NELL1: variants seen among roughly 807,000 people sequenced by gnomAD.
NELL1 encodes the protein protein kinase C-binding protein NELL1.
NELL1 carries 76 observed loss-of-function variants against 107.4 expected under a neutral mutation model. The ratio of observed to expected loss-of-function variants is 0.71; its 90% confidence interval spans 0.59 to 0.86. NELL1 has a LOEUF of 0.86. NELL1 is among the 40% of genes least tolerant of loss of function. NELL1 has a pLI of 0.00. For synonymous variants in NELL1, 353 were observed against 341.2 expected, an observed-to-expected ratio of 1.03 and a Z score of -0.38; for missense variants, 1,024 against 1,005.5, an observed-to-expected ratio of 1.02 and a Z score of -0.25.
Position 21,344,849 on chromosome 11 carries a change from T to C in NELL1, c.1550-26004T>C, listed in dbSNP as rs368205418. 1.8e-3 allele frequency among the ~76,000 whole-genome samples: 264 copies of C among 146,936 alleles called. 7 individuals are homozygous for C. The South Asian group carries it at 0.058, about 32-fold the overall frequency. On this transcript the variant is annotated intron_variant, in intron 14 of 19. Transcript: ENST00000357134. Reference sequence around the variant, plus strand: ...CTCTGCAATGATAGTTGTTGTTTTATGAGCACCTTAATTATTCTGCTTCTC... The same window carrying C: ...CTCTGCAATGATAGTTGTTGTTTTACGAGCACCTTAATTATTCTGCTTCTC...
intron 12 of NELL1, among the ~76,000 whole-genome samples, chr11:21,068,728 A>G (rs1202546484): frequency 6.6e-6 from 1 of 152,200 alleles, no homozygotes; most frequent in Non-Finnish European, 1.5e-5. Context: ...CAGGATCCCA[A>G]GTGCCTCCAA....
chr11:20,705,461 T>C (rs1190675156), intron 2 of NELL1, among the ~76,000 whole-genome samples: 1 of 151,576 alleles, frequency 6.6e-6, no homozygotes, highest in Non-Finnish European at 1.5e-5. Context: ...TGGCTAGCCA[T>C]ATGTAGAAAG....
At chr11:21,203,663 A>G (rs932213583) in intron 13 of NELL1, among the ~76,000 whole-genome samples, 8 of 152,158 alleles carry the variant, frequency 5.3e-5, no homozygotes, top group South Asian at 4.1e-4. Flanking sequence ...TTATGATGCT[A>G]GATGGGTATT....
chr11:21,531,083 G>A (rs529611046), intron 15 of NELL1, among the ~76,000 whole-genome samples: 7 of 152,158 alleles, frequency 4.6e-5, no homozygotes, highest in Non-Finnish European at 7.4e-5. Flanking sequence ...AAATAGATGT[G>A]TGTACAGATA....
At chr11:21,414,150 G>A (rs1852444241) in intron 15 of NELL1, among the ~76,000 whole-genome samples, 1 of 152,006 alleles carries the variant, frequency 6.6e-6, no homozygotes, top group Non-Finnish European at 1.5e-5. Context: ...ACAGGTGAAA[G>A]ATGTAGTAGA....
intron 13 of NELL1, among the ~76,000 whole-genome samples, chr11:21,173,922 A>C (rs1856659352): frequency 1.3e-5 from 2 of 151,710 alleles, no homozygotes; most frequent in East Asian, 1.9e-4. Context: ...TGATAATAAT[A>C]ATTATGGCAG....
In NELL1 at chr11:20,783,674, T is replaced by C. The variant is rs376767853; in HGVS notation, c.185-6T>C. The stretch of plus-strand genomic sequence containing the variant: ...GTTTCCTCCTGCTTTTCTTCTTGAT[T>C]CCTAGACATAGAAAGAGAGATCCAT... On this transcript the variant is annotated splice_region_variant and splice_polypyrimidine_tract_variant and intron_variant, in intron 2 of 19. Transcript: ENST00000357134. 37 of 1,611,216 alleles carry C rather than the reference T, an allele frequency of 2.3e-5. No homozygotes were observed. In the African/African-American group the frequency reaches 4.7e-4, roughly 20 times the overall value.
chr11:21,464,402 C>CAA (rs60770584), intron 15 of NELL1, among the ~76,000 whole-genome samples: 5,780 of 135,916 alleles, frequency 0.043, 244 homozygotes, highest in East Asian at 0.15. Context: ...ATGTCCGTGG[C>CAA]AAAAAAAAAA....
chr11:20,768,053 A>G (rs1856568897), intron 2 of NELL1, among the ~76,000 whole-genome samples: 1 of 152,204 alleles, frequency 6.6e-6, no homozygotes, highest in Non-Finnish European at 1.5e-5. Context: ...AGCCTAAATG[A>G]AGGAGCCAGC....
At chr11:21,558,730 T>A (rs1419573945) in intron 16 of NELL1, among the ~76,000 whole-genome samples, 2 of 152,054 alleles carry the variant, frequency 1.3e-5, no homozygotes, top group Non-Finnish European at 2.9e-5. Flanking sequence ...ATATAACTGT[T>A]ACGTGTAAAA....
chr11:21,533,659 A>C (rs974793272), intron 15 of NELL1, among the ~76,000 whole-genome samples: 1 of 151,648 alleles, frequency 6.6e-6, no homozygotes, highest in Admixed American at 6.6e-5. Context: ...ACAAATAAAC[A>C]AAAAAAGCCT....
At chr11:20,968,543 T>C (rs1185770057) in intron 12 of NELL1, among the ~76,000 whole-genome samples, 2 of 152,368 alleles carry the variant, frequency 1.3e-5, no homozygotes, top group African/African-American at 4.8e-5. Flanking sequence ...GTGTGTTAAC[T>C]TTATTTCATA....
intron 14 of NELL1, among the ~76,000 whole-genome samples, chr11:21,261,897 A>C (rs1208045133): frequency 6.6e-6 from 1 of 150,732 alleles, no homozygotes. Context: ...GTTTTCGTTC[A>C]GATCTTTAAA....
At chr11:20,999,126 A>G (rs1042685820) in intron 12 of NELL1, among the ~76,000 whole-genome samples, 3 of 152,296 alleles carry the variant, frequency 2.0e-5, no homozygotes, top group Non-Finnish European at 4.4e-5. Context: ...TAAGTCAATG[A>G]TGGATATCAA....
At chr11:21,286,794 G>C (rs1263876869) in intron 14 of NELL1, among the ~76,000 whole-genome samples, 4 of 152,250 alleles carry the variant, frequency 2.6e-5, no homozygotes, top group Non-Finnish European at 5.9e-5. Context: ...ACATCTCTAG[G>C]GTAAGCTCCA....
At chr11:21,471,204 C>T (rs1854171202) in intron 15 of NELL1, among the ~76,000 whole-genome samples, 1 of 151,888 alleles carries the variant, frequency 6.6e-6, no homozygotes. Flanking sequence ...TTTCCACTCA[C>T]TCTTTTGCCC....
chr11:21,314,001 C>A (rs796686930), intron 14 of NELL1, among the ~76,000 whole-genome samples: 4,676 of 109,098 alleles, frequency 0.043, 812 homozygotes, highest in African/African-American at 0.17. Flanking sequence ...TGCCCCCCCC[C>A]CCCCCCCCGC....
intron 13 of NELL1, among the ~76,000 whole-genome samples, chr11:21,212,191 C>T (rs1857512114): frequency 1.3e-5 from 2 of 152,120 alleles, no homozygotes; most frequent in South Asian, 2.1e-4. Flanking sequence ...TAATATTAGG[C>T]CATATACAAC....
chr11:20,838,051 C>G (rs560723022), intron 3 of NELL1, among the ~76,000 whole-genome samples: 5 of 151,784 alleles, frequency 3.3e-5, no homozygotes, highest in Non-Finnish European at 7.4e-5. Context: ...AACACTTAGC[C>G]AGGGAGATGA....
Sources: allele counts gnomAD v4.1 joint callset (sites outside exome capture counted in the v4.1 genomes callset), GRCh38; gene constraint gnomAD v4.1.1; transcripts MANE v1.5; gene names NCBI Gene and HGNC (gene_info 2026-07-23, HGNC 2026-07-21).